FBXL17: variants seen among roughly 807,000 people sequenced by gnomAD.
The protein encoded by FBXL17 is F-box and leucine rich repeat protein 17, also known as F-box/LRR-repeat protein 17.
FBXL17 carries 22 observed loss-of-function variants against 66.2 expected under a neutral mutation model. The observed-to-expected ratio is 0.33, with a 90% CI of 0.24 to 0.47. The LOEUF (loss-of-function observed/expected upper bound fraction) is 0.47. Ranked by LOEUF, FBXL17 falls within the 20% of genes least tolerant of loss-of-function variation. The pLI is 1.00. For missense variants in FBXL17, 878 were observed against 948.2 expected, an observed-to-expected ratio of 0.93 and a Z score of 0.97; for synonymous variants, 474 against 400.5, an observed-to-expected ratio of 1.18 and a Z score of -2.19.
At chr5:108,377,116 C>G (rs1749492673) in intron 1 of FBXL17, among the ~76,000 whole-genome samples, 1 of 152,144 alleles carries the variant, frequency 6.6e-6, no homozygotes, top group Admixed American at 6.5e-5. Context: ...AAGATATGCT[C>G]AAACAGCTTG....
chr5:108,191,666 C>G (rs552220646), intron 5 of FBXL17, among the ~76,000 whole-genome samples: 8 of 152,266 alleles, frequency 5.3e-5, no homozygotes, highest in African/African-American at 1.4e-4. Context: ...AATTTGAGTT[C>G]TATTTGACTC....
Position 108,270,616 on chromosome 5 carries a change from G to A in FBXL17, c.1507-46388C>T, listed in dbSNP as rs530125521. Among the ~76,000 whole-genome samples the A allele has an allele frequency of 4.6e-5, 7 of 150,844 alleles. No individual in the cohort carries two copies. The South Asian group carries it at 8.3e-4, about 18-fold the overall frequency. The stretch of plus-strand genomic sequence containing the variant: ...GCATCCATTAGCCATAAACTTTGAG[G>A]ATAAGTGACATTTAAGATTTTCTTT... On this transcript the variant is annotated intron_variant, in intron 4 of 8. Transcript: ENST00000542267.
In FBXL17 at chr5:107,986,385, TTAAATA is replaced by T. The variant is rs550463917; in HGVS notation, c.1822+34534_1822+34539del. On this transcript the variant is annotated intron_variant, in intron 7 of 8. Coordinates refer to ENST00000542267, the MANE Select transcript of FBXL17 (RefSeq NM_001163315.3). ...TTTTAAGGCTAAAAAAATTATAAGA[TTAAATA>T]TAAAGAAAAAAGCAATTTAAACAAA... Among the ~76,000 whole-genome samples, 308 of 151,772 alleles carry T rather than the reference TTAAATA, an allele frequency of 2.0e-3. 2 individuals are homozygous for T. Among genetic ancestry groups the T allele is most frequent in the African/African-American group, 7.0e-3 (292 of 41,524 alleles).
chr5:108,216,495 T>C (rs1277135848), intron 5 of FBXL17, among the ~76,000 whole-genome samples: 1 of 152,194 alleles, frequency 6.6e-6, no homozygotes, highest in Non-Finnish European at 1.5e-5. Context: ...GCATATAAAA[T>C]TATAACTTTT....
intron 4 of FBXL17, among the ~76,000 whole-genome samples, chr5:108,321,568 C>T (rs770866327): frequency 6.6e-6 from 1 of 151,860 alleles, no homozygotes; most frequent in African/African-American, 2.4e-5. Flanking sequence ...TCCCTGGACA[C>T]ATGCCATATT....
intron 7 of FBXL17, among the ~76,000 whole-genome samples, chr5:108,010,147 C>T (rs919245407): frequency 2.0e-5 from 3 of 152,184 alleles, no homozygotes; most frequent in African/African-American, 7.2e-5. Flanking sequence ...TTTCTCACTG[C>T]AGGACAAAGA....
intron 7 of FBXL17, among the ~76,000 whole-genome samples, chr5:107,923,314 C>T (rs1750385371): frequency 6.6e-6 from 1 of 152,176 alleles, no homozygotes; most frequent in Non-Finnish European, 1.5e-5. Context: ...CTCTGCCTGT[C>T]CTTTCCTCTG....
intron 5 of FBXL17, among the ~76,000 whole-genome samples, chr5:108,219,153 T>C (rs1039093546): frequency 6.6e-6 from 1 of 152,244 alleles, no homozygotes; most frequent in Admixed American, 6.5e-5. Flanking sequence ...TGGGTAATAA[T>C]AGTCTCTTTT....
intron 8 of FBXL17, among the ~76,000 whole-genome samples, chr5:107,865,424 G>A (rs1331501956): frequency 6.6e-6 from 1 of 152,180 alleles, no homozygotes; most frequent in Admixed American, 6.5e-5. Context: ...TATTTTGCCA[G>A]CTCCCCCAAG....
intron 6 of FBXL17, among the ~76,000 whole-genome samples, chr5:108,162,711 T>C (rs181530092): frequency 6.6e-6 from 1 of 152,320 alleles, no homozygotes; most frequent in Admixed American, 6.5e-5. Context: ...ATTTAATCTC[T>C]AGTGCCTTGG....
chr5:107,880,913 A>G, intron 8 of FBXL17, 124 bp downstream of exon 8: 1 of 1,475,090 alleles, frequency 6.8e-7, no homozygotes, highest in Non-Finnish European at 9.0e-7. Context: ...GCATATATAC[A>G]TATAAAATGT....
At chr5:107,989,478 T>G (rs576606173) in intron 7 of FBXL17, among the ~76,000 whole-genome samples, 1 of 152,168 alleles carries the variant, frequency 6.6e-6, no homozygotes, top group African/African-American at 2.4e-5. Context: ...GATTTCATTC[T>G]TTTTTATGGC....
chr5:108,325,056 T>C (rs1759787025), intron 4 of FBXL17, among the ~76,000 whole-genome samples: 1 of 152,012 alleles, frequency 6.6e-6, no homozygotes, highest in Admixed American at 6.6e-5. Context: ...AAAAGCAGTG[T>C]ATTGTTGTTT....
intron 7 of FBXL17, among the ~76,000 whole-genome samples, chr5:107,892,973 T>C (rs1265675426): frequency 6.6e-6 from 1 of 152,216 alleles, no homozygotes; most frequent in African/African-American, 2.4e-5. Flanking sequence ...TTCTCTATTA[T>C]CTTCCTATCA....
chr5:108,081,795 A>C (rs1223804336), intron 6 of FBXL17, among the ~76,000 whole-genome samples: 1 of 152,144 alleles, frequency 6.6e-6, no homozygotes, highest in African/African-American at 2.4e-5. Flanking sequence ...ATATTATTCA[A>C]GCTTTGCTTC....
At chr5:108,097,139 T>A (rs1428314628) in intron 6 of FBXL17, among the ~76,000 whole-genome samples, 6 of 152,062 alleles carry the variant, frequency 3.9e-5, no homozygotes, top group Admixed American at 1.3e-4. Context: ...TCTCAGAAGA[T>A]CTGCTGGTTT....
chr5:108,126,684 T>TGC (rs1750728381), intron 6 of FBXL17, among the ~76,000 whole-genome samples: 2 of 135,546 alleles, frequency 1.5e-5, no homozygotes, highest in African/African-American at 2.6e-5. Flanking sequence ...TATATATATA[T>TGC]ACACACATAC....
In FBXL17 at chr5:108,381,952, A is replaced by G. The variant is rs1750000200; in HGVS notation, c.-261T>C. 5 of 1,237,818 alleles carry G rather than the reference A, an allele frequency of 4.0e-6. No homozygotes were observed. Among genetic ancestry groups the G allele is most frequent in the Non-Finnish European group, 5.1e-6 (5 of 988,892 alleles). The allele number at this position is 1,237,818 out of a possible 1,614,324, so 76.7% of individuals were successfully genotyped here. A position where few individuals can be genotyped will look rare whatever the true frequency, so the allele number is the denominator to read the frequency against. On this transcript the variant is annotated 5_prime_UTR_variant, in exon 1 of 9. Coordinates refer to ENST00000542267, the MANE Select transcript of FBXL17 (RefSeq NM_001163315.3). ...GGCGCGAGCTTTGGGGACGCGAGGG[A>G]GGGAGCGAGCGAGCCTGCCGGCTAG...
At chr5:107,922,580 C>T (rs1291437952) in intron 7 of FBXL17, among the ~76,000 whole-genome samples, 5 of 152,172 alleles carry the variant, frequency 3.3e-5, no homozygotes, top group African/African-American at 9.6e-5. Flanking sequence ...TTAAGATTGA[C>T]GCTGTCTTTG....
Sources: allele counts gnomAD v4.1 joint callset (sites outside exome capture counted in the v4.1 genomes callset), GRCh38; gene constraint gnomAD v4.1.1; transcripts MANE v1.5; gene names NCBI Gene and HGNC (gene_info 2026-07-23, HGNC 2026-07-21).